The following LIMCH1 variants were observed in gnomAD, a reference collection of about 807,000 sequenced individuals.
LIMCH1 encodes LIM and calponin homology domains 1.
LIMCH1 carries 113 observed loss-of-function variants against 176.5 expected under a neutral mutation model. The ratio of observed to expected loss-of-function variants is 0.64; its 90% CI spans 0.55 to 0.75. The LOEUF (loss-of-function observed/expected upper bound fraction) is 0.75, where lower values mean the gene tolerates loss of function less well. Ranked by LOEUF, LIMCH1 falls within the 30% of genes least tolerant of loss-of-function variation. The pLI, the probability that LIMCH1 is intolerant of heterozygous loss-of-function variation, is 0.00. For missense variants in LIMCH1, 1,674 were observed against 1,814.9 expected (o/e 0.92, Z 1.41); for synonymous variants, 619 against 645.9 (o/e 0.96, Z 0.63).
At chr4:41,370,253 T>G (rs1190416257) in intron 1 of LIMCH1, among the ~76,000 whole-genome samples, 2 of 152,162 alleles carry the variant, frequency 1.3e-5, no homozygotes, top group Non-Finnish European at 1.5e-5. Context: ...GTTATAGAAG[T>G]CTAGCTAATT....
At chr4:41,534,906 A>G (rs1442125305), upstream of LIMCH1, among the ~76,000 whole-genome samples, 5 of 152,166 alleles carry the variant, frequency 3.3e-5, no homozygotes, top group Admixed American at 3.3e-4. Context: ...TCATGCCTAT[A>G]ATCCCAGAAC....
intron 22 of LIMCH1, among the ~76,000 whole-genome samples, chr4:41,673,196 A>G (rs1422835309): frequency 6.6e-6 from 1 of 152,138 alleles, no homozygotes; most frequent in African/African-American, 2.4e-5. Context: ...GCTCAGTCCC[A>G]AGCCAATACT....
chr4:41,360,853 G>T lies in LIMCH1; in HGVS notation c.13G>T (p.Ala5Ser), dbSNP rs922602784. ...CGGGGCTGCGCAAATGGCTTGTCCC[G>T]CTCTCGGTCTGGAAGCTCTTCAGCC... Residue 5 changes from alanine to serine, a missense_variant, in exon 1 of 27, where the codon GCT becomes TCT. Physicochemically the swap from Ala to Ser is moderately conservative, Grantham distance 99. Coordinates refer to the LIMCH1 transcript ENST00000313860. This position sits in a 1 kb window ranked among gnomAD's most constrained non-coding sequence, Gnocchi z 4.5. 4 of 1,563,552 alleles carry T rather than the reference G, an allele frequency of 2.6e-6. No homozygotes were observed. The highest frequency in any genetic ancestry group is 1.2e-5 in the South Asian group (1 of 85,044).
At chr4:41,667,761 A>AGAATT (rs1400242172) in intron 21 of LIMCH1, among the ~76,000 whole-genome samples, 1 of 152,200 alleles carries the variant, frequency 6.6e-6, no homozygotes, top group Non-Finnish European at 1.5e-5. Flanking sequence ...ATGGGTTCTG[A>AGAATT]GAATTCCACA....
At chr4:41,691,846 C>T (rs1483948577) in intron 30 of LIMCH1, among the ~76,000 whole-genome samples, 4 of 152,130 alleles carry the variant, frequency 2.6e-5, no homozygotes, top group African/African-American at 9.7e-5. Flanking sequence ...GCTGGCAAGC[C>T]TTTAAAGATT....
intron 1 of LIMCH1, among the ~76,000 whole-genome samples, chr4:41,371,647 G>A (rs908341945): frequency 8.3e-5 from 4 of 48,006 alleles, no homozygotes; most frequent in Non-Finnish European, 9.7e-5. Context: ...TGCTGCCCCC[G>A]TCCCAGTTTG....
chr4:41,657,676 A>C (rs959860697), intron 18 of LIMCH1, among the ~76,000 whole-genome samples: 1 of 152,212 alleles, frequency 6.6e-6, no homozygotes, highest in Non-Finnish European at 1.5e-5. Flanking sequence ...AGCAGTAGCC[A>C]GATTTTGATG....
At chr4:41,456,460 T>C (rs114338416) in intron 1 of LIMCH1, among the ~76,000 whole-genome samples, 36 of 152,308 alleles carry the variant, frequency 2.4e-4, no homozygotes, top group African/African-American at 8.4e-4. Flanking sequence ...CAAAATTGCT[T>C]TTTTATCAGA....
chr4:41,478,129 A>G (rs190304048), intron 1 of LIMCH1, among the ~76,000 whole-genome samples: 26 of 152,360 alleles, frequency 1.7e-4, no homozygotes, highest in Middle Eastern at 3.4e-3. Flanking sequence ...AGTTCCCTGT[A>G]AAACCTATTT....
rs1298920683 is a variant in LIMCH1, at chr4:41,697,397, A to G, written c.*212A>G. On this transcript the variant is annotated 3_prime_UTR_variant, in exon 32 of 32. Coordinates refer to ENST00000503057, the MANE Select transcript of LIMCH1 (RefSeq NM_001330672.2). ...TTTTTTTTTTTTTTTGCATTTGCAC[A>G]GTATACACAAAAGAATATGGGGTTG... The G allele has an allele frequency of 9.5e-6, 5 of 527,334 alleles. No individual in the cohort carries two copies. Among genetic ancestry groups the G allele is most frequent in the Non-Finnish European group, 1.7e-5 (5 of 299,064 alleles). 32.7% of individuals were successfully genotyped at this position (527,334 alleles called of 1,614,324 possible). A position where few individuals can be genotyped will look rare whatever the true frequency, so the allele number is the denominator to read the frequency against.
chr4:41,526,443 C>T (rs2076665134), intron 3 of LIMCH1, among the ~76,000 whole-genome samples: 1 of 152,164 alleles, frequency 6.6e-6, no homozygotes, highest in African/African-American at 2.4e-5. Flanking sequence ...AACTCTTTTC[C>T]TTTGCTCCAG....
chr4:41,363,113 A>G (rs76366870), intron 1 of LIMCH1, among the ~76,000 whole-genome samples: 13,214 of 151,892 alleles, frequency 0.087, 875 homozygotes, highest in African/African-American at 0.18. Flanking sequence ...AAAGATAGAG[A>G]CCTCCCCCTT....
At chr4:41,533,396 AT>A (rs2077533344), upstream of LIMCH1, among the ~76,000 whole-genome samples, 1 of 152,194 alleles carries the variant, frequency 6.6e-6, no homozygotes, top group South Asian at 2.1e-4. Context: ...GATGAATGAA[AT>A]GGTTGTATCC....
At chr4:41,413,938 G>A (rs1453846759) in intron 1 of LIMCH1, among the ~76,000 whole-genome samples, 1 of 152,172 alleles carries the variant, frequency 6.6e-6, no homozygotes, top group Non-Finnish European at 1.5e-5. Flanking sequence ...CAGTTTTAAC[G>A]CAGACCTTAA....
At chr4:41,503,111 A>G (rs1284636776) in intron 2 of LIMCH1, among the ~76,000 whole-genome samples, 3 of 152,014 alleles carry the variant, frequency 2.0e-5, no homozygotes, top group Non-Finnish European at 2.9e-5. Flanking sequence ...ATATGGTGAC[A>G]AAGTTGGCTA....
At chr4:41,402,127 C>G (rs1253083465) in intron 1 of LIMCH1, among the ~76,000 whole-genome samples, 1 of 151,870 alleles carries the variant, frequency 6.6e-6, no homozygotes, top group East Asian at 1.9e-4. Context: ...CACAAATTTA[C>G]AAGAAAAAAA....
intron 3 of LIMCH1, among the ~76,000 whole-genome samples, chr4:41,526,144 C>CT (rs1342532876): frequency 3.3e-5 from 5 of 152,020 alleles, no homozygotes; most frequent in Non-Finnish European, 7.4e-5. Context: ...ATTTGGGCAA[C>CT]TTGATACAAG....
intron 1 of LIMCH1, among the ~76,000 whole-genome samples, chr4:41,403,962 A>G (rs2058713543): frequency 6.6e-6 from 1 of 152,242 alleles, no homozygotes; most frequent in Non-Finnish European, 1.5e-5. Flanking sequence ...CATATTTGAG[A>G]TTTAATGTAT....
intron 1 of LIMCH1, among the ~76,000 whole-genome samples, chr4:41,409,458 G>GA (rs1336335196): frequency 1.3e-5 from 2 of 152,170 alleles, no homozygotes; most frequent in Non-Finnish European, 2.9e-5. Context: ...AGGTGAGTCA[G>GA]AAAATGTATC....
Sources: allele counts gnomAD v4.1 joint callset (sites outside exome capture counted in the v4.1 genomes callset), GRCh38; gene constraint gnomAD v4.1.1; non-coding constraint Gnocchi (gnomAD v3.1); transcripts MANE v1.5; gene names NCBI Gene and HGNC (gene_info 2026-07-23, HGNC 2026-07-21).